Variants in OGDH observed in about 807,000 individuals in gnomAD.
OGDH encodes oxoglutarate dehydrogenase, also known as 2-oxoglutarate dehydrogenase complex component E1.
OGDH carries 38 observed loss-of-function variants against 116.6 expected under a neutral mutation model. The ratio of observed to expected loss-of-function variants is 0.33; its 90% CI spans 0.25 to 0.43. The LOEUF is 0.43. Among genes scored for constraint, OGDH ranks in the 20% least tolerant of loss-of-function variants. OGDH has a pLI of 1.00. For synonymous variants in OGDH, 488 were observed against 533.3 expected, an observed-to-expected ratio of 0.92 and a Z score of 1.17; for missense variants, 825 against 1,357.2, an observed-to-expected ratio of 0.61 and a Z score of 6.16.
chr7:44,696,628 G>T, intron 14 of OGDH, 71 bp downstream of exon 14: 2 of 1,587,734 alleles, frequency 1.3e-6, no homozygotes, highest in South Asian at 2.3e-5. Context: ...CTAGGACTGT[G>T]ACCTTGGCCC....
At chr7:44,613,602 A>G (rs142851026) in intron 1 of OGDH, among the ~76,000 whole-genome samples, 12,062 of 151,408 alleles carry the variant, frequency 0.08, 765 homozygotes, top group East Asian at 0.26. Flanking sequence ...CTCGTGATCC[A>G]CCCGTCTCGG....
intron 2 of OGDH, among the ~76,000 whole-genome samples, chr7:44,640,041 C>G (rs1204784999): frequency 6.6e-6 from 1 of 152,218 alleles, no homozygotes; most frequent in Non-Finnish European, 1.5e-5. Flanking sequence ...CATGATCGCC[C>G]TGTCTCCAGG....
chr7:44,642,935 AT>A (rs376634003), intron 2 of OGDH, among the ~76,000 whole-genome samples: 7 of 151,074 alleles, frequency 4.6e-5, no homozygotes, highest in East Asian at 1.9e-4. Context: ...AAAAAAAAAA[AT>A]TTTTAAATAT....
intron 20 of OGDH, among the ~76,000 whole-genome samples, chr7:44,703,406 TCAAAA>T (rs941449722): frequency 2.8e-5 from 4 of 144,482 alleles, no homozygotes; most frequent in South Asian, 2.2e-4. Context: ...GGACTCCATC[TCAAAA>T]CAAAACAAAA....
At chr7:44,695,635 G>A (rs1010078828) in intron 12 of OGDH, among the ~76,000 whole-genome samples, 14 of 151,800 alleles carry the variant, frequency 9.2e-5, no homozygotes, top group African/African-American at 1.9e-4. Context: ...CCCGGGAGGC[G>A]GAAGTTGCAG....
At chr7:44,615,107 A>G (rs1025652419) in intron 1 of OGDH, among the ~76,000 whole-genome samples, 2 of 152,284 alleles carry the variant, frequency 1.3e-5, no homozygotes, top group East Asian at 1.9e-4. Flanking sequence ...CTGGGATTAC[A>G]GGTATGAGCC....
At chr7:44,673,702 T>C (rs1787568599) in intron 5 of OGDH, 85 bp from the exon 6 acceptor site, 1 of 1,360,486 alleles carries the variant, frequency 7.4e-7, no homozygotes, top group South Asian at 1.2e-5. Context: ...TATCCCCTCC[T>C]TCTGGCTGAA....
intron 10 of OGDH, among the ~76,000 whole-genome samples, chr7:44,687,122 G>A (rs1443683318): frequency 1.5e-5 from 2 of 136,660 alleles, no homozygotes; most frequent in African/African-American, 5.6e-5. Flanking sequence ...TTCTGAGATG[G>A]AGTCTGGCTC....
intron 4 of OGDH, among the ~76,000 whole-genome samples, chr7:44,649,257 T>C (rs1337050069): frequency 6.8e-6 from 1 of 147,104 alleles, no homozygotes; most frequent in African/African-American, 2.5e-5. Flanking sequence ...TTTTTTTTTT[T>C]TTTTTTTTTT....
chr7:44,653,886 G>T (rs533824325), intron 4 of OGDH, among the ~76,000 whole-genome samples: 1 of 146,522 alleles, frequency 6.8e-6, no homozygotes, highest in African/African-American at 2.5e-5. Flanking sequence ...ACGGAGTCTC[G>T]CTCTGTTGCC....
intron 2 of OGDH, among the ~76,000 whole-genome samples, chr7:44,625,005 G>A (rs991574779): frequency 5.3e-5 from 8 of 152,036 alleles, no homozygotes; most frequent in African/African-American, 1.2e-4. Context: ...CATTATGTTC[G>A]TATTTTTTTC....
intron 1 of OGDH, among the ~76,000 whole-genome samples, chr7:44,618,636 G>A (rs1486023428): frequency 6.6e-6 from 1 of 152,194 alleles, no homozygotes; most frequent in African/African-American, 2.4e-5. Context: ...TGATAAAGGT[G>A]GAAGTCTTTT....
intron 5 of OGDH, among the ~76,000 whole-genome samples, chr7:44,669,581 G>A (rs1262268799): frequency 6.6e-6 from 1 of 152,114 alleles, no homozygotes; most frequent in South Asian, 2.1e-4. Context: ...CATAGGCATT[G>A]ATGTCCCTAT....
chr7:44,648,354 T>A (rs567095640), intron 4 of OGDH, among the ~76,000 whole-genome samples: 1 of 152,242 alleles, frequency 6.6e-6, no homozygotes, highest in Admixed American at 6.5e-5. Flanking sequence ...ACACTGGGGT[T>A]TTGTCACGGT....
intron 4 of OGDH, among the ~76,000 whole-genome samples, chr7:44,663,447 A>G (rs1289803737): frequency 1.3e-5 from 2 of 152,186 alleles, no homozygotes; most frequent in African/African-American, 2.4e-5. Flanking sequence ...AGCCCGGCCA[A>G]CGTGGGAAAA....
chr7:44,689,756 C>T (rs977622338), intron 10 of OGDH, among the ~76,000 whole-genome samples: 1 of 151,972 alleles, frequency 6.6e-6, no homozygotes, highest in Non-Finnish European at 1.5e-5. Flanking sequence ...ACTGGATTGT[C>T]TTTTTATTGT....
At position 44,624,557 on chromosome 7, in the gene OGDH, G is replaced by A. The variant is rs1785129080; in HGVS notation, c.214G>A (p.Val72Ile). Residue 72 changes from valine (V) to isoleucine (I), a missense_variant, in exon 2 of 23, where the codon GTA (valine) becomes ATA (isoleucine). Val to Ile is a conservative substitution (Grantham distance 29). Transcript: ENST00000222673. Reference sequence around the variant, plus strand: ...TGCTTGGCTGGAAAACCCCAAAAGTGTACATAAGGTAAGGCTCGCAGGGCT... The same window carrying A: ...TGCTTGGCTGGAAAACCCCAAAAGTATACATAAGGTAAGGCTCGCAGGGCT... ...YCAWLENPKS[V>I]HKSWDIFFRN... The A allele has an allele frequency of 3.7e-6, 6 of 1,613,262 alleles. No homozygotes were observed. Among genetic ancestry groups the A allele is most frequent in the Non-Finnish European group, 5.1e-6 (6 of 1,179,966 alleles).
chr7:44,658,217 G>A (rs1786779610), intron 4 of OGDH, among the ~76,000 whole-genome samples: 1 of 152,014 alleles, frequency 6.6e-6, no homozygotes, highest in Non-Finnish European at 1.5e-5. Flanking sequence ...TTACCATGTT[G>A]TCTTCCAATC....
intron 10 of OGDH, among the ~76,000 whole-genome samples, chr7:44,683,554 A>G (rs1396638286): frequency 6.6e-6 from 1 of 152,218 alleles, no homozygotes; most frequent in Non-Finnish European, 1.5e-5. Flanking sequence ...CTGGTTCCAC[A>G]GGCATACAGA....
Sources: gnomAD v4.1 joint callset for allele counts (sites outside exome capture counted in the v4.1 genomes callset) on GRCh38, gnomAD v4.1.1 for gene constraint, MANE v1.5 for transcripts, NCBI Gene and HGNC (gene_info 2026-07-23, HGNC 2026-07-21) for gene names.